EYS: variants seen among roughly 807,000 people sequenced by gnomAD.
The protein encoded by EYS is EGF-like photoreceptor maintenance factor.
Under a neutral mutation model 282.1 loss-of-function variants are expected in EYS, and 250 were observed. The ratio of observed to expected loss-of-function variants is 0.89; its 90% CI spans 0.80 to 0.98. The LOEUF (loss-of-function observed/expected upper bound fraction) is 0.98. Ranked by LOEUF, EYS falls within the 50% of genes least tolerant of loss-of-function variation. The pLI, the probability that EYS is intolerant of heterozygous loss-of-function variation, is 0.00. For missense variants in EYS, 4,016 were observed against 3,709.0 expected, an observed-to-expected ratio of 1.08 and a Z score of -2.15; for synonymous variants, 1,355 against 1,282.9, an observed-to-expected ratio of 1.06 and a Z score of -1.20.
In EYS at chr6:64,813,461, A is replaced by G. The variant is rs1583184621; in HGVS notation, c.3360T>C (p.Asn1120=). The part of the protein sequence containing the change: ...TGAYCEKSID[N]CAEPELNSVI... ...CTGAATTAAGTTCAGGCTCAGCACAATTATCAATGCTTTTTTCACAGTATG... is the reference window on the plus strand; with the variant it reads ...CTGAATTAAGTTCAGGCTCAGCACAGTTATCAATGCTTTTTTCACAGTATG... Residue 1120 remains asparagine (N), a synonymous_variant, in exon 22 of 43, where the codon AAT becomes AAC. Transcript: ENST00000503581. 6.5e-7 allele frequency: 1 copy of G among 1,550,360 alleles called. No homozygotes were observed. The highest frequency in any genetic ancestry group is 1.4e-5 in the African/African-American group (1 of 73,012).
chr6:65,134,727 A>T (rs1295863688), intron 12 of EYS, among the ~76,000 whole-genome samples: 1 of 152,062 alleles, frequency 6.6e-6, no homozygotes, highest in South Asian at 2.1e-4. Flanking sequence ...ACAAACCTGT[A>T]TGTGTGCCCC....
intron 26 of EYS, among the ~76,000 whole-genome samples, chr6:64,556,784 A>T (rs1765245729): frequency 6.6e-6 from 1 of 151,950 alleles, no homozygotes; most frequent in Non-Finnish European, 1.5e-5. Flanking sequence ...AAACCTTTTC[A>T]GAATTGGAGA....
intron 26 of EYS, among the ~76,000 whole-genome samples, chr6:64,506,326 C>G (rs1392545682): frequency 6.6e-6 from 1 of 151,966 alleles, no homozygotes; most frequent in Admixed American, 6.6e-5. Flanking sequence ...TTAAACTTGG[C>G]TGAAAAAGTT....
In EYS at chr6:64,344,544, T is replaced by C. The variant is rs575764440; in HGVS notation, c.6079-37462A>G. Among the ~76,000 whole-genome samples, 4 of 152,132 alleles carry C rather than the reference T, an allele frequency of 2.6e-5. No homozygotes were observed. In the South Asian group the frequency reaches 8.3e-4, roughly 32 times the overall value. ...AAAAACTCTCAATATTGATGGGATG[T>C]ATCTCAAAATAATAAGAGCTATCTA... On this transcript the variant is annotated intron_variant, in intron 29 of 42. Coordinates refer to ENST00000503581, the MANE Select transcript of EYS (RefSeq NM_001142800.2).
chr6:64,118,617 T>A (rs1419968149), intron 31 of EYS, among the ~76,000 whole-genome samples: 2 of 152,080 alleles, frequency 1.3e-5, no homozygotes, highest in Admixed American at 1.3e-4. Flanking sequence ...TCAGAACATT[T>A]GTTTGGGCAA....
At chr6:63,995,674 G>A (rs1767801605) in intron 34 of EYS, among the ~76,000 whole-genome samples, 1 of 151,946 alleles carries the variant, frequency 6.6e-6, no homozygotes, top group Non-Finnish European at 1.5e-5. Context: ...CAACATAAAT[G>A]TCCATTAATG....
At chr6:64,519,734 T>C (rs879718371) in intron 26 of EYS, among the ~76,000 whole-genome samples, 2 of 151,762 alleles carry the variant, frequency 1.3e-5, no homozygotes, top group Admixed American at 6.6e-5. Context: ...AGAATATCTT[T>C]AGAGAGTATT....
intron 24 of EYS, among the ~76,000 whole-genome samples, chr6:64,605,502 T>A (rs1028142429): frequency 6.6e-6 from 1 of 151,892 alleles, no homozygotes; most frequent in African/African-American, 2.4e-5. Context: ...AAATTATCAG[T>A]GTGACTAATA....
chr6:64,447,922 A>G (rs1775170918), intron 26 of EYS, among the ~76,000 whole-genome samples: 1 of 152,224 alleles, frequency 6.6e-6, no homozygotes, highest in Admixed American at 6.5e-5. Context: ...TTTAATAGCA[A>G]TCCGTAAGGA....
intron 22 of EYS, among the ~76,000 whole-genome samples, chr6:64,675,431 T>TTTC (rs1554191940): frequency 3.6e-5 from 5 of 140,496 alleles, no homozygotes; most frequent in African/African-American, 1.3e-4. Context: ...TTTTTTTCTT[T>TTTC]TTTTTTTTTT....
At chr6:65,222,650 G>C (rs550843571) in intron 12 of EYS, among the ~76,000 whole-genome samples, 9 of 152,262 alleles carry the variant, frequency 5.9e-5, no homozygotes, top group African/African-American at 1.7e-4. Context: ...ATATAACCAT[G>C]AAAGTTTTAC....
At chr6:65,276,012 C>T (rs968994325) in intron 12 of EYS, among the ~76,000 whole-genome samples, 2 of 151,820 alleles carry the variant, frequency 1.3e-5, no homozygotes, top group African/African-American at 2.4e-5. Context: ...AACAAACAAA[C>T]AAGAAAACCT....
chr6:65,052,243 G>T (rs905760694), intron 13 of EYS, among the ~76,000 whole-genome samples: 1 of 151,482 alleles, frequency 6.6e-6, no homozygotes, highest in Non-Finnish European at 1.5e-5. Flanking sequence ...AATCCCAGGT[G>T]TGTGTGTTTT....
intron 12 of EYS, among the ~76,000 whole-genome samples, chr6:65,206,995 A>G (rs1014325583): frequency 6.6e-6 from 1 of 151,876 alleles, no homozygotes; most frequent in Non-Finnish European, 1.5e-5. Flanking sequence ...CAAAAATACT[A>G]TTCAACATAG....
rs144740012 is a variant in EYS, at chr6:65,267,324, T to G, written c.2023+28539A>C. Among the ~76,000 whole-genome samples, 43 of 152,044 alleles carry G rather than the reference T, an allele frequency of 2.8e-4. No individual in the cohort carries two copies. The East Asian group carries it at 8.3e-3, about 29-fold the overall frequency. ...CCACTGATATATAATAATTCTATAG[T>G]TGGGAAAATGACTAATCGCATGAAA... is the stretch of plus-strand genomic sequence containing the variant. On this transcript the variant is annotated intron_variant, in intron 12 of 42. Coordinates refer to ENST00000503581, the MANE Select transcript of EYS (RefSeq NM_001142800.2).
At chr6:65,283,079 T>C (rs557215477) in intron 12 of EYS, among the ~76,000 whole-genome samples, 3 of 152,052 alleles carry the variant, frequency 2.0e-5, no homozygotes, top group Middle Eastern at 3.4e-3. Flanking sequence ...TTTAAAAAAT[T>C]TGATATTTGT....
intron 30 of EYS, among the ~76,000 whole-genome samples, chr6:64,234,700 C>T (rs762095450): frequency 1.3e-5 from 2 of 152,162 alleles, no homozygotes; most frequent in African/African-American, 4.8e-5. Flanking sequence ...CCACTCTCCA[C>T]CATATATCCT....
intron 22 of EYS, among the ~76,000 whole-genome samples, chr6:64,761,732 G>A (rs1419784512): frequency 6.6e-6 from 1 of 152,194 alleles, no homozygotes. Flanking sequence ...TGGGATTACA[G>A]GCGTGAGCCA....
At chr6:64,504,857 G>A (rs1428542255) in intron 26 of EYS, among the ~76,000 whole-genome samples, 1 of 152,138 alleles carries the variant, frequency 6.6e-6, no homozygotes, top group Non-Finnish European at 1.5e-5. Flanking sequence ...CTCAGGGTAG[G>A]TCGTAAAAAA....
Sources: allele counts gnomAD v4.1 joint callset (sites outside exome capture counted in the v4.1 genomes callset), GRCh38; gene constraint gnomAD v4.1.1; transcripts MANE v1.5; gene names NCBI Gene and HGNC (gene_info 2026-07-23, HGNC 2026-07-21).